NTMT1: variants seen among roughly 807,000 people sequenced by gnomAD.
NTMT1 encodes N-terminal RCC1 methyltransferase.
Under a neutral mutation model 17.5 loss-of-function variants are expected in NTMT1, and 8 were observed. The ratio of observed to expected loss-of-function variants is 0.46; its 90% CI spans 0.27 to 0.82. NTMT1 has a LOEUF of 0.82. NTMT1 is among the 40% of genes least tolerant of loss of function. The probability of loss-of-function intolerance (pLI) is 0.15; values close to 1 mark genes in which losing one functional copy is unlikely to be tolerated. For missense variants in NTMT1, 221 were observed against 303.5 expected (o/e 0.73, Z 2.02); for synonymous variants, 128 against 126.8 (o/e 1.01, Z -0.06).
intron 3 of NTMT1, 149 bp downstream of exon 3, chr9:129,634,455 C>T: frequency 1.3e-6 from 1 of 778,284 alleles, no homozygotes; most frequent in South Asian, 2.4e-5. Context: ...CCACCCCGTA[C>T]TTCCCAGGAC....
In NTMT1 at chr9:129,620,580, G is replaced by A; in HGVS notation, c.-55+11402G>A. 25 of 1,349,316 alleles carry A rather than the reference G, an allele frequency of 1.9e-5. No individual in the cohort carries two copies. The highest frequency in any genetic ancestry group is 2.4e-5 in the Non-Finnish European group (25 of 1,048,954). 83.6% of individuals were successfully genotyped at this position (1,349,316 alleles called of 1,614,324 possible). A position where few individuals can be genotyped will look rare whatever the true frequency, so the allele number is the denominator to read the frequency against. ...CGAAGTCGACGCCAGAACATGCTTG[G>A]CCCCGCACTCAGCTCACCGCACCCT... On this transcript the variant is annotated intron_variant, in intron 1 of 3. Transcript: ENST00000372486. This position sits in a 1 kb window ranked among gnomAD's most constrained non-coding sequence, Gnocchi z 5.8.
chr9:129,623,343 A>AG (rs61145578), upstream of NTMT1, among the ~76,000 whole-genome samples: 132,275 of 140,776 alleles, frequency 0.94, 61,992 homozygotes, highest in Non-Finnish European at 0.96. Flanking sequence ...AAAAAAAAAA[A>AG]AAGAAGGAAG....
chr9:129,612,958 G>T (rs1169208025), intron 1 of NTMT1: 2 of 944,594 alleles, frequency 2.1e-6, no homozygotes, highest in East Asian at 5.3e-5. Flanking sequence ...AACACAGGGC[G>T]TGGCCACTGC....
In NTMT1 at chr9:129,634,071, A is replaced by G. The variant is rs776204118; in HGVS notation, c.180A>G (p.Thr60=). The change falls in exon 3 of 4, where the codon ACA becomes ACG. Residue 60 remains threonine, a synonymous_variant. Transcript: ENST00000372483. ...CTTTTCAGGAAGGCCCGAACAAGAC[A>G]GGAACGTCCTGTGCCCTGGACTGTG... is the stretch of plus-strand genomic sequence containing the variant. The part of the protein sequence containing the change: ...QRFLREGPNK[T]GTSCALDCGA... 6.2e-7 allele frequency: 1 copy of G among 1,613,992 alleles called. No individual in the cohort carries two copies. The highest frequency in any genetic ancestry group is 8.5e-7 in the Non-Finnish European group (1 of 1,179,904).
chr9:129,623,107 G>A (rs1830786621), upstream of NTMT1, among the ~76,000 whole-genome samples: 1 of 152,016 alleles, frequency 6.6e-6, no homozygotes, highest in African/African-American at 2.4e-5. Flanking sequence ...GACAAGGCGG[G>A]TGGATCATGA....
chr9:129,624,063 A>G (rs546379396), upstream of NTMT1, among the ~76,000 whole-genome samples: 1 of 151,944 alleles, frequency 6.6e-6, no homozygotes, highest in East Asian at 1.9e-4. Flanking sequence ...CAAAGTGCTG[A>G]GATTACAGGC....
rs144808755 is a variant in NTMT1 at position 129,626,763 on chromosome 9, C to T, written c.-55+468C>T. On this transcript the variant is annotated intron_variant, in intron 1 of 3. Transcript: ENST00000372483. ...ACCTTGGGTGCCACCCGAGCGCCAG[C>T]CCGACACAGGTGCAGCTCAAAAAAG... Among the ~76,000 whole-genome samples, 1,195 of 152,320 alleles carry T rather than the reference C, an allele frequency of 7.8e-3. 13 individuals carry two copies. The highest frequency in any genetic ancestry group is 0.014 in the South Asian group (68 of 4,834).
chr9:129,618,833 C>T (rs1489702866), intron 1 of NTMT1, among the ~76,000 whole-genome samples: 2 of 151,668 alleles, frequency 1.3e-5, no homozygotes, highest in African/African-American at 2.4e-5. Flanking sequence ...GCTGGGACTA[C>T]AGGCGCCCGC....
chr9:129,615,643 G>A (rs1830337274), intron 1 of NTMT1: 1 of 1,558,296 alleles, frequency 6.4e-7, no homozygotes, highest in Non-Finnish European at 8.6e-7. Context: ...GCACCGTGGG[G>A]CCTGCTGAGA....
chr9:129,634,326 T>A lies in NTMT1; in HGVS notation c.415+20T>A. The A allele has an allele frequency of 6.3e-7, 1 of 1,575,524 alleles. No individual in the cohort carries two copies. Among genetic ancestry groups the A allele is most frequent in the Non-Finnish European group, 8.6e-7 (1 of 1,158,190 alleles). ...TGATAGGTGAGGGTTCCACCGCCCT[T>A]CCCTGCTCACCTGTATGTCTCCTGC... is the stretch of plus-strand genomic sequence containing the variant. On this transcript the variant is annotated intron_variant, in intron 3 of 3. Transcript: ENST00000372483.
intron 3 of NTMT1, chr9:129,634,723 G>A (rs770486635): frequency 1.8e-4 from 40 of 216,754 alleles, no homozygotes; most frequent in African/African-American, 9.1e-4. Context: ...CTGACGTGGC[G>A]GCAGGCCGCT....
chr9:129,618,765 T>C (rs1588121314), intron 1 of NTMT1, among the ~76,000 whole-genome samples: 1 of 152,036 alleles, frequency 6.6e-6, no homozygotes, highest in East Asian at 1.9e-4. Context: ...CAATCTCAGC[T>C]CACTGCAAGC....
At chr9:129,617,065 CA>C (rs35142253) in intron 1 of NTMT1, among the ~76,000 whole-genome samples, 44 of 138,664 alleles carry the variant, frequency 3.2e-4, no homozygotes, top group Non-Finnish European at 3.7e-4. Flanking sequence ...GACTTCGTCT[CA>C]AAAAAAAAGA....
At chr9:129,615,325 C>A (rs770377536) in intron 1 of NTMT1, among the ~76,000 whole-genome samples, 5 of 152,360 alleles carry the variant, frequency 3.3e-5, no homozygotes, top group Non-Finnish European at 7.4e-5. Flanking sequence ...AACCTGACAT[C>A]CTCCAAGGAG....
intron 1 of NTMT1, 44 bp from the exon 2 acceptor site, chr9:129,632,606 G>A: frequency 6.8e-7 from 1 of 1,471,344 alleles, no homozygotes; most frequent in Non-Finnish European, 9.3e-7. Context: ...GGGCCTTTCT[G>A]CCAGGTCCCT....
intron 1 of NTMT1, among the ~76,000 whole-genome samples, chr9:129,609,626 G>A (rs986842696): frequency 2.6e-5 from 4 of 151,700 alleles, no homozygotes; most frequent in African/African-American, 4.8e-5. Flanking sequence ...GGCCCCTGGG[G>A]AGGCCCCCAA....
At chr9:129,609,545 C>G (rs1413461277) in intron 1 of NTMT1, among the ~76,000 whole-genome samples, 1 of 151,334 alleles carries the variant, frequency 6.6e-6, no homozygotes, top group Non-Finnish European at 1.5e-5. Context: ...GGGGCAGCCC[C>G]CCCACCCCAA....
Position 129,635,458 on chromosome 9 carries a change from G to T in NTMT1, c.666G>T (p.Leu222=). ...DEIYHVYSFA[L]R ...TCTACCATGTCTATAGCTTTGCCCT[G>T]AGATGAGCCGGGGCTGGCAGGAGAA... is the stretch of plus-strand genomic sequence containing the variant. Residue 222 remains leucine, a synonymous_variant, in exon 4 of 4, where the codon CTG becomes CTT. Transcript: ENST00000372483. 1 of 1,607,820 alleles carries T rather than the reference G, an allele frequency of 6.2e-7. No individual in the cohort carries two copies. The highest frequency in any genetic ancestry group is 8.5e-7 in the Non-Finnish European group (1 of 1,175,672).
In NTMT1 at chr9:129,635,499, T is replaced by C. The variant is rs935517544; in HGVS notation, c.*35T>C. On this transcript the variant is annotated 3_prime_UTR_variant, in exon 4 of 4. Coordinates refer to ENST00000372483, the MANE Select transcript of NTMT1 (RefSeq NM_014064.4). The stretch of plus-strand genomic sequence containing the variant: ...GGCAGGAGAAACTGAGGAACCACAG[T>C]CCTGGTGGGGGGAGCTGGCAGCTGG... The C allele has an allele frequency of 3.8e-6, 6 of 1,586,490 alleles. No individual in the cohort carries two copies. Among genetic ancestry groups the C allele is most frequent in the African/African-American group, 1.3e-5 (1 of 74,486 alleles).
Sources: gnomAD v4.1 joint callset for allele counts (sites outside exome capture counted in the v4.1 genomes callset) on GRCh38, gnomAD v4.1.1 for gene constraint, Gnocchi (gnomAD v3.1) non-coding constraint, MANE v1.5 for transcripts, NCBI Gene and HGNC (gene_info 2026-07-23, HGNC 2026-07-21) for gene names.